The following MYH14 variants were observed in gnomAD, a reference collection of about 807,000 sequenced individuals.
MYH14 encodes myosin heavy chain 14, also known as myosin-14.
Under a neutral mutation model 255.5 loss-of-function variants are expected in MYH14, and 123 were observed. That is an observed-to-expected ratio of 0.48 (90% CI 0.42 to 0.56). The LOEUF (loss-of-function observed/expected upper bound fraction) is 0.56. MYH14 is among the 20% of genes least tolerant of loss of function. MYH14 has a pLI of 0.00. For synonymous variants in MYH14, 1,095 were observed against 1,161.2 expected (o/e 0.94, Z 1.16); for missense variants, 2,423 against 2,802.3 (o/e 0.86, Z 3.06).
chr19:50,260,822 AGTGTGTGT>A (rs140241247), intron 20 of MYH14, 107 bp downstream of exon 20: 1 of 744,488 alleles, frequency 1.3e-6, no homozygotes, highest in African/African-American at 1.8e-5. Flanking sequence ...TGTGTGTGCA[AGTGTGTGT>A]GCATGCACGT....
chr19:50,260,809 G>A (rs2034809050), intron 20 of MYH14, 94 bp downstream of exon 20: 10 of 884,880 alleles, frequency 1.1e-5, no homozygotes, highest in Non-Finnish European at 1.6e-5. Context: ...ATGTGTGCAT[G>A]CGTGTGTGTG....
intron 11 of MYH14, 76 bp downstream of exon 11, chr19:50,244,413 C>T (rs1291095827): frequency 1.1e-5 from 12 of 1,119,036 alleles, no homozygotes; most frequent in Non-Finnish European, 1.6e-5. Flanking sequence ...CACCCCTGTC[C>T]CACGTAGAGA....
At chr19:50,240,239 A>G (rs7259709) in intron 10 of MYH14, among the ~76,000 whole-genome samples, 123,201 of 152,134 alleles carry the variant, frequency 0.81, 50,140 homozygotes, top group Middle Eastern at 0.86. Flanking sequence ...TGTCTATAGT[A>G]TGTGTCCTTT....
intron 39 of MYH14, among the ~76,000 whole-genome samples, chr19:50,299,160 G>A (rs2123471925): frequency 6.6e-6 from 1 of 152,254 alleles, no homozygotes; most frequent in East Asian, 1.9e-4. Flanking sequence ...CCAATTTCCA[G>A]GAAACACAGA....
intron 9 of MYH14, 44 bp from the exon 10 acceptor site, chr19:50,231,886 G>A: frequency 6.2e-7 from 1 of 1,610,200 alleles, no homozygotes; most frequent in Non-Finnish European, 8.5e-7. Context: ...GAGTCTGACT[G>A]CACAGCCCAC....
chr19:50,280,547 A>T lies in MYH14; in HGVS notation c.4290+164A>T, dbSNP rs559143619. On this transcript the variant is annotated intron_variant, in intron 32 of 42. Transcript: ENST00000642316. The surrounding 1 kb of genome is among the most constrained non-coding windows in gnomAD (Gnocchi z 4.8). ...CCCTTACCCCCCACAGCCCATGCCC[A>T]GCCCTGGCTGTCCTGACCCCTGACT... 2.2e-4 allele frequency among the ~76,000 whole-genome samples: 33 copies of T among 152,132 alleles called. No homozygotes were observed. Among genetic ancestry groups the T allele is most frequent in the African/African-American group, 7.7e-4 (32 of 41,490 alleles).
At position 50,271,425 on chromosome 19, in the gene MYH14, T is replaced by C; in HGVS notation, c.3050T>C (p.Leu1017Pro). 6.2e-7 allele frequency: 1 copy of C among 1,604,650 alleles called. No homozygotes were observed. The highest frequency in any genetic ancestry group is 8.5e-7 in the Non-Finnish European group (1 of 1,175,900). ...QQHIQELEAH[L>P]EAEEGARQKL... Reference sequence around the variant, plus strand: ...CCACCCCAGGAGCTAGAGGCCCACCTTGAGGCTGAGGAGGGTGCGCGGCAG... The same window carrying C: ...CCACCCCAGGAGCTAGAGGCCCACCCTGAGGCTGAGGAGGGTGCGCGGCAG... Residue 1017 changes from leucine (L) to proline (P), a missense_variant, in exon 25 of 43, where the codon CTT becomes CCT. Physicochemically the swap from Leu to Pro is moderately conservative, Grantham distance 98 (BLOSUM62 -3). Around this residue, in one of 3 missense-constraint regions of MYH14, gnomAD observed 1,513 missense variants for 1,674.8 expected, o/e 0.90. Coordinates refer to ENST00000642316, the MANE Select transcript of MYH14 (RefSeq NM_001145809.2).
rs768821536 is a variant in MYH14 at position 50,210,587 on chromosome 19, C to T, written c.222C>T (p.Gly74=). The T allele has an allele frequency of 1.3e-6, 2 of 1,575,042 alleles. No homozygotes were observed. Among genetic ancestry groups the T allele is most frequent in the African/African-American group, 1.4e-5 (1 of 73,976 alleles). ...GFEAAALRDE[G]EEEAEVELAE... ...AGGCGGCGGCGCTGCGGGACGAAGG[C>T]GAGGAGGAGGCGGAGGTGGAGCTGG... The change falls in exon 2 of 43, where the codon GGC becomes GGT. Residue 74 remains glycine, a synonymous_variant. Transcript: ENST00000642316.
chr19:50,282,167 TCTG>T (rs1455836211), intron 33 of MYH14, among the ~76,000 whole-genome samples: 2 of 152,214 alleles, frequency 1.3e-5, no homozygotes, highest in African/African-American at 4.8e-5. Context: ...TCATCTCACT[TCTG>T]CTGATTCACG....
chr19:50,252,448 G>A lies in MYH14; in HGVS notation c.1831-191G>A, dbSNP rs1163094413. On this transcript the variant is annotated intron_variant, in intron 15 of 42. Coordinates refer to ENST00000642316, the MANE Select transcript of MYH14 (RefSeq NM_001145809.2). The surrounding 1 kb of genome is among the most constrained non-coding windows in gnomAD (Gnocchi z 4.2). ...TCACAGAGGTGGCAGGGGGCATAGA[G>A]GGGAAGGAGAGAGAGGGGACCATGC... 1.3e-5 allele frequency among the ~76,000 whole-genome samples: 2 copies of A among 152,176 alleles called. No homozygotes were observed. Among genetic ancestry groups the A allele is most frequent in the East Asian group, 3.8e-4 (2 of 5,196 alleles).
chr19:50,233,461 C>T (rs1213493529), intron 10 of MYH14, among the ~76,000 whole-genome samples: 5 of 152,134 alleles, frequency 3.3e-5, no homozygotes, highest in African/African-American at 4.8e-5. Flanking sequence ...TGAGCCGCTG[C>T]GCCCAGCCTG....
intron 11 of MYH14, 88 bp from the exon 12 acceptor site, chr19:50,246,916 A>G (rs2034151183): frequency 3.3e-6 from 3 of 902,554 alleles, no homozygotes; most frequent in African/African-American, 1.6e-5. Context: ...TGCTCCCCCA[A>G]CAGTGTGGGA....
chr19:50,271,260 T>C lies in MYH14; in HGVS notation c.3034-149T>C, dbSNP rs111740693. 169 of 767,766 alleles carry C rather than the reference T, an allele frequency of 2.2e-4. 1 individual carries two copies. The African/African-American group carries it at 2.7e-3, about 12-fold the overall frequency. The allele number at this position is 767,766 out of a possible 1,614,324, so 47.6% of individuals were successfully genotyped here. A position where few individuals can be genotyped will look rare whatever the true frequency, so the allele number is the denominator to read the frequency against. ...ATGAAATGGGAAAGCCAATAAGAGT[T>C]TGATCCTTCCCGGCCTCACCCAGGG... On this transcript the variant is annotated intron_variant, in intron 24 of 42. Transcript: ENST00000642316.
At position 50,266,970 on chromosome 19, in the gene MYH14, G is replaced by A. The variant is rs760505025; in HGVS notation, c.2788G>A (p.Ala930Thr). The A allele has an allele frequency of 1.9e-6, 3 of 1,567,394 alleles. No individual in the cohort carries two copies. Among genetic ancestry groups the A allele is most frequent in the Admixed American group, 1.9e-5 (1 of 52,786 alleles). ...AGTGCAGGAGCTACAGCAGCAGAGC[G>A]CCCGCGAAGTTGGGGAGCTCCAGGG... is the stretch of plus-strand genomic sequence containing the variant. ...QKVQELQQQS[A>T]REVGELQGRV... is the part of the protein sequence containing the mutation. Residue 930 changes from alanine (A) to threonine (T), a missense_variant, in exon 23 of 43, where the codon GCC becomes ACC. By Grantham distance (58) the Ala-to-Thr change is moderately conservative (BLOSUM62 0). This residue lies in a region of MYH14 where 1,513 missense variants were observed against 1,674.8 expected (regional missense o/e 0.90). Coordinates refer to ENST00000642316, the MANE Select transcript of MYH14 (RefSeq NM_001145809.2). This position sits in a 1 kb window ranked among gnomAD's most constrained non-coding sequence, Gnocchi z 4.1.
intron 12 of MYH14, 80 bp from the exon 13 acceptor site, chr19:50,248,907 G>A: frequency 6.7e-7 from 1 of 1,502,148 alleles, no homozygotes. Flanking sequence ...CGAGCTGGGG[G>A]CCCTTCCCCG....
chr19:50,257,440 C>T lies in MYH14; in HGVS notation c.2186C>T (p.Thr729Ile), dbSNP rs745357772. Residue 729 changes from threonine to isoleucine, a missense_variant, in exon 18 of 43, where the codon ACC (threonine) becomes ATC (isoleucine). This residue lies in a region of MYH14 where 672 missense variants were observed against 881.8 expected (regional missense o/e 0.76). Transcript: ENST00000642316. ...LSRLMATLSN[T>I]NPSFVRCIVP... ...CGCCTCATGGCCACACTCAGCAACACCAACCCCAGTTTTGTCCGCTGCATT... is the reference window on the plus strand; with the variant it reads ...CGCCTCATGGCCACACTCAGCAACATCAACCCCAGTTTTGTCCGCTGCATT... 6 of 1,608,156 alleles carry T rather than the reference C, an allele frequency of 3.7e-6. No individual in the cohort carries two copies. In the East Asian group the frequency reaches 1.3e-4, roughly 36 times the overall value.
chr19:50,214,385 A>G (rs1175804251), intron 2 of MYH14, among the ~76,000 whole-genome samples: 1 of 152,164 alleles, frequency 6.6e-6, no homozygotes, highest in African/African-American at 2.4e-5. Context: ...AAAGTGGGAC[A>G]TCCAGGGCTC....
At chr19:50,290,486 G>A (rs2036034768) in intron 35 of MYH14, among the ~76,000 whole-genome samples, 2 of 152,192 alleles carry the variant, frequency 1.3e-5, no homozygotes, top group Non-Finnish European at 2.9e-5. Flanking sequence ...TAGAAGCTGG[G>A]GAGGCAGGGA....
In MYH14 at chr19:50,257,347, C is replaced by A. The variant is rs1471797586; in HGVS notation, c.2093C>A (p.Pro698Gln). ...LEQVSSLGDG[P>Q]PGGRPRRGMF... ...CAGGTGAGCAGCCTGGGCGACGGCC[C>A]ACCAGGTGGCCGCCCCCGTCGGGGT... The change falls in exon 18 of 43, where the codon CCA (proline) becomes CAA (glutamine). Residue 698 changes from proline (P) to glutamine (Q), a missense_variant. By Grantham distance (76) the Pro-to-Gln change is moderately conservative. Transcript: ENST00000642316. 4.3e-6 allele frequency: 7 copies of A among 1,609,676 alleles called. No individual in the cohort carries two copies. Among genetic ancestry groups the A allele is most frequent in the Middle Eastern group, 1.7e-4 (1 of 6,054 alleles).
Sources: gnomAD v4.1 joint callset for allele counts (sites outside exome capture counted in the v4.1 genomes callset) on GRCh38, gnomAD v4.1.1 for gene constraint, gnomAD v4.1.1 regional missense constraint, Gnocchi (gnomAD v3.1) non-coding constraint, MANE v1.5 for transcripts, NCBI Gene and HGNC (gene_info 2026-07-23, HGNC 2026-07-21) for gene names.